Variants in DTX4 observed in about 807,000 individuals in gnomAD.
The protein encoded by DTX4 is deltex E3 ubiquitin ligase 4.
DTX4 carries 28 observed loss-of-function variants against 57.6 expected under a neutral mutation model. The ratio of observed to expected loss-of-function variants is 0.49; its 90% confidence interval spans 0.36 to 0.67. The LOEUF is 0.67. Among genes scored for constraint, DTX4 ranks in the 30% least tolerant of loss-of-function variants. DTX4 has a pLI of 0.00. For missense variants in DTX4, 715 were observed against 836.8 expected, an observed-to-expected ratio of 0.85 and a Z score of 1.80; for synonymous variants, 316 against 331.0, an observed-to-expected ratio of 0.95 and a Z score of 0.49.
At chr11:59,176,938 G>A (rs1018110718) in intron 1 of DTX4, among the ~76,000 whole-genome samples, 6 of 152,252 alleles carry the variant, frequency 3.9e-5, no homozygotes, top group South Asian at 4.2e-4. Flanking sequence ...AATAATCAGC[G>A]AGTAAAATCC....
chr11:59,195,137 T>C, intron 6 of DTX4, 71 bp from the exon 7 acceptor site: 1 of 1,544,708 alleles, frequency 6.5e-7, no homozygotes, highest in Non-Finnish European at 8.9e-7. Flanking sequence ...TCTGGTACCT[T>C]TTGGGACTGG....
chr11:59,187,200 G>A (rs1366796025), intron 2 of DTX4, among the ~76,000 whole-genome samples: 1 of 152,198 alleles, frequency 6.6e-6, no homozygotes, highest in East Asian at 1.9e-4. Context: ...ATGTTATAAG[G>A]ATTACGTAAA....
chr11:59,184,641 G>A (rs1354325105), intron 2 of DTX4, among the ~76,000 whole-genome samples: 2 of 152,214 alleles, frequency 1.3e-5, no homozygotes, highest in South Asian at 2.1e-4. Flanking sequence ...TTTGAATCTC[G>A]ATGAGGGAGT....
rs1862791244 is a variant in DTX4 at position 59,205,254 on chromosome 11, T to A, written c.*345T>A. The A allele has an allele frequency of 4.6e-6, 1 of 215,396 alleles. No homozygotes were observed. The highest frequency in any genetic ancestry group is 2.2e-5 in the African/African-American group (1 of 44,886). 13.3% of individuals were successfully genotyped at this position (215,396 alleles called of 1,614,324 possible). ...TAGGGTATGGGCAGTGCTTAGGCACTCCATATCCTGGCTTTGGGAAGCCGG... is the reference window on the plus strand; with the variant it reads ...TAGGGTATGGGCAGTGCTTAGGCACACCATATCCTGGCTTTGGGAAGCCGG... On this transcript the variant is annotated 3_prime_UTR_variant, in exon 9 of 9. Transcript: ENST00000227451.
At position 59,208,075 on chromosome 11, in the gene DTX4, GT is replaced by G. The variant is rs1862838197; in HGVS notation, c.*3171del. The G allele has an allele frequency of 6.6e-6, 1 of 152,616 alleles. No homozygotes were observed. Among genetic ancestry groups the G allele is most frequent in the Non-Finnish European group, 1.5e-5 (1 of 68,038 alleles). 9.5% of individuals were successfully genotyped at this position (152,616 alleles called of 1,614,324 possible). The stretch of plus-strand genomic sequence containing the variant: ...GAATTGTTCTGTTTGTAACTGGAAT[GT>G]TTTTGAAGTCTTTGGTGTTGCTCCG... On this transcript the variant is annotated 3_prime_UTR_variant, in exon 9 of 9. Transcript: ENST00000227451.
In DTX4 at chr11:59,205,744, A is replaced by G. The variant is rs1862797990; in HGVS notation, c.*835A>G. 1 of 152,816 alleles carries G rather than the reference A, an allele frequency of 6.5e-6. No individual in the cohort carries two copies. Among genetic ancestry groups the G allele is most frequent in the Non-Finnish European group, 1.5e-5 (1 of 68,178 alleles). 9.5% of individuals were successfully genotyped at this position (152,816 alleles called of 1,614,324 possible). On this transcript the variant is annotated 3_prime_UTR_variant, in exon 9 of 9. Transcript: ENST00000227451. ...GAGCCCACAGCCTTCTTCCCAACTC[A>G]TTCTAGACCAGCTCAAAGATTCCAT...
intron 2 of DTX4, among the ~76,000 whole-genome samples, chr11:59,187,835 A>G (rs1203935560): frequency 6.6e-6 from 1 of 152,184 alleles, no homozygotes; most frequent in Non-Finnish European, 1.5e-5. Flanking sequence ...TGCTGGGGAG[A>G]AGGACAGAAA....
chr11:59,207,357 T>C lies in DTX4; in HGVS notation c.*2448T>C, dbSNP rs185809861. 1 of 152,382 alleles carries C rather than the reference T, an allele frequency of 6.6e-6. No individual in the cohort carries two copies. Among genetic ancestry groups the C allele is most frequent in the Non-Finnish European group, 1.5e-5 (1 of 68,134 alleles). 9.4% of individuals were successfully genotyped at this position (152,382 alleles called of 1,614,324 possible). On this transcript the variant is annotated 3_prime_UTR_variant, in exon 9 of 9. Transcript: ENST00000227451. ...GGCAATACCACTTGGAGAGGTCGAC[T>C]TCATACCTTCAAGCCTTTTCCCCTG...
rs1204944125 is a variant in DTX4, at chr11:59,189,114, G to T, written c.998-48G>T. 13 of 1,604,988 alleles carry T rather than the reference G, an allele frequency of 8.1e-6. No individual in the cohort carries two copies. The Admixed American group carries it at 2.2e-4, about 27-fold the overall frequency. On this transcript the variant is annotated intron_variant, in intron 3 of 8. Coordinates refer to ENST00000227451, the MANE Select transcript of DTX4 (RefSeq NM_015177.2). ...GGGAAAGAGGAATTTGGGGAATGTTGAGAGCTAAGTCTCCAGTCTTTCCTC... is the reference window on the plus strand; with the variant it reads ...GGGAAAGAGGAATTTGGGGAATGTTTAGAGCTAAGTCTCCAGTCTTTCCTC...
intron 4 of DTX4, 21 bp downstream of exon 4, chr11:59,189,344 G>A (rs1163510104): frequency 6.6e-7 from 1 of 1,512,832 alleles, no homozygotes; most frequent in Non-Finnish European, 8.9e-7. Context: ...CTTGTCTCGT[G>A]GGGTACTGAG....
intron 8 of DTX4, among the ~76,000 whole-genome samples, chr11:59,203,283 A>G (rs1452805426): frequency 6.6e-6 from 1 of 152,120 alleles, no homozygotes; most frequent in Non-Finnish European, 1.5e-5. Flanking sequence ...TTCACTTTTC[A>G]CCTGTTTGTA....
chr11:59,172,795 G>A lies in DTX4; in HGVS notation c.200G>A (p.Arg67His). 6.3e-7 allele frequency: 1 copy of A among 1,579,402 alleles called. No homozygotes were observed. Residue 67 changes from arginine to histidine, a missense_variant, in exon 1 of 9, where the codon CGC becomes CAC. Coordinates refer to ENST00000227451, the MANE Select transcript of DTX4 (RefSeq NM_015177.2). ...GACCTGCAGTCCATGAACCAGTTCC[G>A]CCAAGACACGGGTGAGCCAGCCGCC... ...IIDLQSMNQF[R>H]QDTGTLRPVR...
rs1862334265 is a variant in DTX4, at chr11:59,172,266, C to T, written c.-330C>T. ...CGCCGGGGCTCGGGCCGCGCGCCCG[C>T]CGAGTGGCTTTTGCAAGGCGGGGGC... On this transcript the variant is annotated 5_prime_UTR_variant, in exon 1 of 9. Transcript: ENST00000227451. Among the ~76,000 whole-genome samples, 1 of 152,018 alleles carries T rather than the reference C, an allele frequency of 6.6e-6. No homozygotes were observed. Among genetic ancestry groups the T allele is most frequent in the Admixed American group, 6.5e-5 (1 of 15,272 alleles).
At chr11:59,183,220 G>A (rs893884795) in intron 2 of DTX4, among the ~76,000 whole-genome samples, 5 of 152,116 alleles carry the variant, frequency 3.3e-5, no homozygotes, top group African/African-American at 7.2e-5. Context: ...CTACCACAAT[G>A]CCCAGCATTC....
chr11:59,186,532 G>T (rs1420943370), intron 2 of DTX4, among the ~76,000 whole-genome samples: 1 of 152,204 alleles, frequency 6.6e-6, no homozygotes, highest in Non-Finnish European at 1.5e-5. Context: ...AGAGCTGGGC[G>T]AGGAGAATCG....
Position 59,182,072 on chromosome 11 carries a change from C to T in DTX4, c.545C>T (p.Thr182Ile). ...TGGCCAGTCAGCCCTGGGCCAGCCA[C>T]CTCGCCCCCCATGTCCCCCTGCTCC... Reference protein sequence around the residue: ...QSWPVSPGPATSPPMSPCSCP... With the variant: ...QSWPVSPGPAISPPMSPCSCP... Residue 182 changes from threonine to isoleucine, a missense_variant, in exon 2 of 9, where the codon ACC becomes ATC. Coordinates refer to ENST00000227451, the MANE Select transcript of DTX4 (RefSeq NM_015177.2). 1.9e-6 allele frequency: 3 copies of T among 1,612,414 alleles called. No homozygotes were observed. Among genetic ancestry groups the T allele is most frequent in the African/African-American group, 1.3e-5 (1 of 75,048 alleles).
chr11:59,180,695 C>T (rs1862452645), intron 1 of DTX4, among the ~76,000 whole-genome samples: 1 of 152,188 alleles, frequency 6.6e-6, no homozygotes, highest in Non-Finnish European at 1.5e-5. Flanking sequence ...GAAATGAGCC[C>T]TGGTTGAGGA....
chr11:59,175,375 T>G (rs6591507), intron 1 of DTX4, among the ~76,000 whole-genome samples: 66,107 of 152,034 alleles, frequency 0.43, 16,402 homozygotes, highest in African/African-American at 0.68. Flanking sequence ...CTGCTGCTGA[T>G]AGAGTCCTCA....
intron 1 of DTX4, 111 bp from the exon 2 acceptor site, chr11:59,181,628 G>A: frequency 6.9e-7 from 1 of 1,444,104 alleles, no homozygotes; most frequent in Non-Finnish European, 9.4e-7. Context: ...CCAGTACACA[G>A]TAGGACTTGT....
Sources: allele counts gnomAD v4.1 joint callset (sites outside exome capture counted in the v4.1 genomes callset), GRCh38; gene constraint gnomAD v4.1.1; transcripts MANE v1.5; gene names NCBI Gene and HGNC (gene_info 2026-07-23, HGNC 2026-07-21).